KCNT2: variants seen among roughly 807,000 people sequenced by gnomAD.
KCNT2 encodes potassium sodium-activated channel subfamily T member 2.
In KCNT2, 67 loss-of-function variants were observed where a neutral mutation model predicts 153.8. The observed-to-expected ratio is 0.44, with a 90% CI of 0.36 to 0.53. The LOEUF (loss-of-function observed/expected upper bound fraction) is 0.53. Ranked by LOEUF, KCNT2 falls within the 20% of genes least tolerant of loss-of-function variation. The probability of loss-of-function intolerance (pLI) is 0.00; values close to 1 mark genes in which losing one functional copy is unlikely to be tolerated. For missense variants in KCNT2, 975 were observed against 1,354.8 expected (o/e 0.72, Z 4.40); for synonymous variants, 500 against 458.8 (o/e 1.09, Z -1.15).
chr1:196,374,339 G>T (rs1668773067), intron 13 of KCNT2, among the ~76,000 whole-genome samples: 1 of 151,720 alleles, frequency 6.6e-6, no homozygotes, highest in African/African-American at 2.4e-5. Context: ...AAATGCTCTG[G>T]ACAAACATTG....
At chr1:196,603,048 A>AGT (rs1276433768) in intron 1 of KCNT2, among the ~76,000 whole-genome samples, 1 of 151,106 alleles carries the variant, frequency 6.6e-6, no homozygotes, top group Non-Finnish European at 1.5e-5. Context: ...GGCCTCCCAA[A>AGT]GTGCTGGGAT....
At chr1:196,234,008 C>T (rs1425957270) in intron 27 of KCNT2, among the ~76,000 whole-genome samples, 2 of 151,240 alleles carry the variant, frequency 1.3e-5, no homozygotes, top group Admixed American at 6.6e-5. Flanking sequence ...GGCAACTATG[C>T]TTAACAAGAC....
intron 1 of KCNT2, among the ~76,000 whole-genome samples, chr1:196,511,830 A>AGGT (rs1681659042): frequency 6.6e-6 from 1 of 152,140 alleles, no homozygotes; most frequent in Non-Finnish European, 1.5e-5. Context: ...TATTAACATA[A>AGGT]TCACCTCTTT....
intron 1 of KCNT2, among the ~76,000 whole-genome samples, chr1:196,583,956 G>A (rs1162796430): frequency 1.3e-5 from 2 of 152,070 alleles, no homozygotes; most frequent in South Asian, 2.1e-4. Context: ...AACACTGAAA[G>A]GACAAGTTAG....
intron 22 of KCNT2, among the ~76,000 whole-genome samples, chr1:196,286,483 T>G (rs188962163): frequency 9.9e-5 from 15 of 152,198 alleles, no homozygotes; most frequent in Non-Finnish European, 1.6e-4. Context: ...AGTACTTTGT[T>G]CTAGTAGCCC....
At chr1:196,315,578 G>A (rs149594296) in intron 21 of KCNT2, among the ~76,000 whole-genome samples, 154 of 151,602 alleles carry the variant, frequency 1.0e-3, no homozygotes, top group African/African-American at 3.6e-3. Flanking sequence ...ATACCAATAC[G>A]AGAACATGGG....
intron 4 of KCNT2, among the ~76,000 whole-genome samples, chr1:196,480,682 C>T (rs1281430402): frequency 6.6e-6 from 1 of 151,390 alleles, no homozygotes; most frequent in Non-Finnish European, 1.5e-5. Flanking sequence ...GGTGAAACCC[C>T]GTCTCTACTA....
chr1:196,529,487 C>G (rs901329581), intron 1 of KCNT2, among the ~76,000 whole-genome samples: 1 of 152,130 alleles, frequency 6.6e-6, no homozygotes, highest in Admixed American at 6.6e-5. Context: ...TTATGATCTT[C>G]TGCTCAGATA....
chr1:196,281,911 A>T (rs1659142437), intron 24 of KCNT2, among the ~76,000 whole-genome samples: 1 of 151,556 alleles, frequency 6.6e-6, no homozygotes, highest in African/African-American at 2.4e-5. Flanking sequence ...CACCACACCC[A>T]GCTAATTTTT....
At chr1:196,228,501 T>C (rs1653667629) in intron 27 of KCNT2, among the ~76,000 whole-genome samples, 166 bp from the exon 28 acceptor site, 1 of 152,130 alleles carries the variant, frequency 6.6e-6, no homozygotes, top group Admixed American at 6.6e-5. Context: ...GCCTTTACAA[T>C]TTGGCATGGT....
rs189928868 is a variant in KCNT2, at chr1:196,417,263, A to G, written c.1185+5787T>C. Among the ~76,000 whole-genome samples, 9 of 152,266 alleles carry G rather than the reference A, an allele frequency of 5.9e-5. No homozygotes were observed. In the South Asian group the frequency reaches 1.2e-3, roughly 21 times the overall value. On this transcript the variant is annotated intron_variant, in intron 12 of 27. Coordinates refer to ENST00000294725, the MANE Select transcript of KCNT2 (RefSeq NM_198503.5). ...TGTTTATACTGACATCTCAAGGGTT[A>G]TGTGAAGCTGACATGACAAGAAACC...
intron 12 of KCNT2, 76 bp downstream of exon 12, chr1:196,422,974 T>C: frequency 4.2e-6 from 4 of 962,780 alleles, no homozygotes; most frequent in South Asian, 1.7e-5. Context: ...TGCTGGCGAA[T>C]TTTTAAAAAC....
intron 25 of KCNT2, among the ~76,000 whole-genome samples, chr1:196,269,662 C>A (rs557583779): frequency 6.6e-6 from 1 of 151,950 alleles, no homozygotes; most frequent in Admixed American, 6.6e-5. Context: ...CTTTTTTTCC[C>A]CTGTAATCTA....
At chr1:196,450,001 T>G (rs866295912) in intron 8 of KCNT2, among the ~76,000 whole-genome samples, 1 of 151,752 alleles carries the variant, frequency 6.6e-6, no homozygotes, top group Admixed American at 6.6e-5. Context: ...GGTAGGATGG[T>G]ATAGAAAGGG....
intron 1 of KCNT2, among the ~76,000 whole-genome samples, chr1:196,523,349 C>G (rs1653742700): frequency 1.3e-5 from 2 of 152,162 alleles, no homozygotes; most frequent in African/African-American, 4.8e-5. Context: ...TTCTTGAAGT[C>G]AGCAAGACCA....
chr1:196,447,067 A>T (rs893201737), intron 8 of KCNT2, among the ~76,000 whole-genome samples: 5 of 151,590 alleles, frequency 3.3e-5, no homozygotes, highest in African/African-American at 9.7e-5. Context: ...TTGAACTTAA[A>T]GTAAAATCAC....
intron 14 of KCNT2, among the ~76,000 whole-genome samples, chr1:196,352,121 G>A (rs981115962): frequency 6.6e-6 from 1 of 151,916 alleles, no homozygotes; most frequent in African/African-American, 2.4e-5. Flanking sequence ...ATTTTATTGA[G>A]GATTTTTGCA....
intron 1 of KCNT2, among the ~76,000 whole-genome samples, chr1:196,495,095 ATCTC>A (rs1342129589): frequency 1.3e-5 from 2 of 152,158 alleles, no homozygotes; most frequent in Admixed American, 6.5e-5. Context: ...GAATCTGGCG[ATCTC>A]TCTGAGTCAA....
intron 2 of KCNT2, among the ~76,000 whole-genome samples, 186 bp downstream of exon 2, chr1:196,492,076 C>T (rs1679900228): frequency 6.6e-6 from 1 of 151,960 alleles, no homozygotes. Flanking sequence ...ATATGTAGTG[C>T]CTATACTTTT....
Sources: gnomAD v4.1 joint callset for allele counts (sites outside exome capture counted in the v4.1 genomes callset) on GRCh38, gnomAD v4.1.1 for gene constraint, MANE v1.5 for transcripts, NCBI Gene and HGNC (gene_info 2026-07-23, HGNC 2026-07-21) for gene names.